Variants in TNIK observed in about 807,000 individuals in gnomAD.
The protein encoded by TNIK is TRAF2 and NCK interacting kinase.
A neutral mutation model predicts 191.3 loss-of-function variants in TNIK; 49 were observed. The ratio of observed to expected loss-of-function variants is 0.26; its 90% CI spans 0.20 to 0.32. The LOEUF is 0.32. Among genes scored for constraint, TNIK ranks in the 10% least tolerant of loss-of-function variants. The pLI, the probability that TNIK is intolerant of heterozygous loss-of-function variation, is 1.00. For synonymous variants in TNIK, 594 were observed against 600.9 expected (o/e 0.99, Z 0.17); for missense variants, 1,155 against 1,702.3 (o/e 0.68, Z 5.66).
chr3:171,215,198 G>A (rs1741314655), intron 3 of TNIK, among the ~76,000 whole-genome samples: 1 of 152,130 alleles, frequency 6.6e-6, no homozygotes, highest in South Asian at 2.1e-4. Flanking sequence ...TAGAAGATGA[G>A]AAATCATGGG....
At chr3:171,194,758 A>G (rs1331557147) in intron 4 of TNIK, 123 bp from the exon 5 acceptor site, 9 of 731,770 alleles carry the variant, frequency 1.2e-5, no homozygotes, top group Non-Finnish European at 2.1e-5. Flanking sequence ...AAAAGTTATC[A>G]TAAAACAATA....
At chr3:171,236,767 T>C (rs1241846560) in intron 2 of TNIK, among the ~76,000 whole-genome samples, 1 of 152,106 alleles carries the variant, frequency 6.6e-6, no homozygotes. Context: ...GCTCACTCCA[T>C]CCCACCTCCT....
chr3:171,088,237 C>CTTTTTTTTTT (rs760417147), intron 23 of TNIK, among the ~76,000 whole-genome samples: 117 of 142,896 alleles, frequency 8.2e-4, no homozygotes, highest in African/African-American at 2.9e-3. Context: ...AAAGGTTTTT[C>CTTTTTTTTTT]TTTTTTTTTT....
At chr3:171,280,372 G>A (rs1750287954) in intron 2 of TNIK, among the ~76,000 whole-genome samples, 2 of 152,138 alleles carry the variant, frequency 1.3e-5, no homozygotes, top group Non-Finnish European at 2.9e-5. Flanking sequence ...GGCTTCCTGG[G>A]TCCACCACTT....
chr3:171,263,679 C>T (rs952523420), intron 2 of TNIK, among the ~76,000 whole-genome samples: 3 of 151,734 alleles, frequency 2.0e-5, no homozygotes, highest in Non-Finnish European at 4.4e-5. Context: ...CAGTGAAGGT[C>T]ATAGAAAAGT....
At chr3:171,228,143 AT>A in intron 3 of TNIK, 21 bp downstream of exon 3, 2 of 1,613,396 alleles carry the variant, frequency 1.2e-6, no homozygotes, top group Non-Finnish European at 1.7e-6. Context: ...GGCTATTGAG[AT>A]GGCAAAATAA....
chr3:171,388,566 C>T (rs1719042900), intron 1 of TNIK, among the ~76,000 whole-genome samples: 1 of 152,170 alleles, frequency 6.6e-6, no homozygotes, highest in African/African-American at 2.4e-5. Flanking sequence ...CTGTGTCTCC[C>T]ACAAAGGGTG....
At chr3:171,096,657 G>A (rs1472758622) in intron 22 of TNIK, among the ~76,000 whole-genome samples, 1 of 151,892 alleles carries the variant, frequency 6.6e-6, no homozygotes, top group Non-Finnish European at 1.5e-5. Context: ...AAGCCTCACT[G>A]GAATGGTTTA....
At chr3:171,274,428 T>C (rs1402802467) in intron 2 of TNIK, among the ~76,000 whole-genome samples, 1 of 152,218 alleles carries the variant, frequency 6.6e-6, no homozygotes, top group South Asian at 2.1e-4. Flanking sequence ...TCATAGCTAC[T>C]GGCTGCATAA....
At chr3:171,090,441 T>G (rs1721916839) in intron 23 of TNIK, among the ~76,000 whole-genome samples, 2 of 144,594 alleles carry the variant, frequency 1.4e-5, no homozygotes, top group East Asian at 1.9e-4. Flanking sequence ...TTTTTTTTTT[T>G]GCTTACTCTG....
At chr3:171,322,059 T>C (rs763221691) in intron 2 of TNIK, among the ~76,000 whole-genome samples, 9 of 152,218 alleles carry the variant, frequency 5.9e-5, no homozygotes, top group Non-Finnish European at 1.2e-4. Flanking sequence ...GGGATTTTAT[T>C]GTACATTTGC....
At chr3:171,119,782 T>C (rs929833792) in intron 18 of TNIK, among the ~76,000 whole-genome samples, 4 of 146,600 alleles carry the variant, frequency 2.7e-5, no homozygotes, top group East Asian at 2.0e-4. Flanking sequence ...GAACATCACA[T>C]ACCGGGGCCT....
At chr3:171,446,636 T>C (rs1026603941) in intron 1 of TNIK, among the ~76,000 whole-genome samples, 3 of 152,220 alleles carry the variant, frequency 2.0e-5, no homozygotes, top group Admixed American at 1.3e-4. Flanking sequence ...CTATCTTCTA[T>C]TTTCTCCATT....
chr3:171,393,061 A>G (rs1270467658), intron 1 of TNIK, among the ~76,000 whole-genome samples: 1 of 152,148 alleles, frequency 6.6e-6, no homozygotes, highest in South Asian at 2.1e-4. Flanking sequence ...TATGTCTAAG[A>G]GCAGACAGCA....
At chr3:171,312,913 G>GA (rs1754206283) in intron 2 of TNIK, among the ~76,000 whole-genome samples, 1 of 152,102 alleles carries the variant, frequency 6.6e-6, no homozygotes, top group African/African-American at 2.4e-5. Flanking sequence ...GCTTAAAGAT[G>GA]AAAGTCTTGG....
chr3:171,071,176 G>A (rs1270437597), intron 29 of TNIK, 47 bp downstream of exon 29: 19 of 1,482,774 alleles, frequency 1.3e-5, no homozygotes, highest in Admixed American at 7.0e-5. Context: ...GGGTAGAAAC[G>A]GAAAATTTTT....
chr3:171,082,617 A>G (rs1329778164), intron 26 of TNIK: 1 of 523,076 alleles, frequency 1.9e-6, no homozygotes, highest in Non-Finnish European at 3.2e-6. Context: ...CAGCATTCAT[A>G]CATCTAGTTA....
chr3:171,408,386 A>G (rs1046253796), intron 1 of TNIK, among the ~76,000 whole-genome samples: 67 of 152,294 alleles, frequency 4.4e-4, no homozygotes, highest in African/African-American at 1.6e-3. Flanking sequence ...TTTAGCCATG[A>G]AGGGAAGCTG....
intron 22 of TNIK, among the ~76,000 whole-genome samples, chr3:171,100,140 T>TGTCA (rs1344123374): frequency 6.6e-6 from 1 of 152,206 alleles, no homozygotes; most frequent in Admixed American, 6.5e-5. Flanking sequence ...TCAAAACATC[T>TGTCA]GTCAGAAGAA....
Sources: allele counts gnomAD v4.1 joint callset (sites outside exome capture counted in the v4.1 genomes callset), GRCh38; gene constraint gnomAD v4.1.1; transcripts MANE v1.5; gene names NCBI Gene and HGNC (gene_info 2026-07-23, HGNC 2026-07-21).